Variants in KIAA1958 observed in about 807,000 individuals in gnomAD.
KIAA1958 encodes uncharacterized protein KIAA1958.
A neutral mutation model predicts 47.2 loss-of-function variants in KIAA1958; 14 were observed. That is an observed-to-expected ratio of 0.30 (90% CI 0.20 to 0.46). The LOEUF (loss-of-function observed/expected upper bound fraction) is 0.46, where lower values mean the gene tolerates loss of function less well. Among genes scored for constraint, KIAA1958 ranks in the 20% least tolerant of loss-of-function variants. The pLI, the probability that KIAA1958 is intolerant of heterozygous loss-of-function variation, is 1.00. For synonymous variants in KIAA1958, 354 were observed against 353.3 expected, an observed-to-expected ratio of 1.00 and a Z score of -0.02; for missense variants, 803 against 909.2, an observed-to-expected ratio of 0.88 and a Z score of 1.50.
chr9:112,511,380 A>T (rs1834323014), intron 1 of KIAA1958, among the ~76,000 whole-genome samples: 1 of 152,226 alleles, frequency 6.6e-6, no homozygotes, highest in Non-Finnish European at 1.5e-5. Flanking sequence ...AGTATAATGC[A>T]CTAAGGATCC....
chr9:112,620,732 C>T (rs1403893827), intron 2 of KIAA1958, among the ~76,000 whole-genome samples: 1 of 151,794 alleles, frequency 6.6e-6, no homozygotes, highest in Non-Finnish European at 1.5e-5. Flanking sequence ...AGCATGCATG[C>T]CAGCACTGTG....
At chr9:112,517,321 A>C (rs1254216745) in intron 1 of KIAA1958, among the ~76,000 whole-genome samples, 1 of 152,250 alleles carries the variant, frequency 6.6e-6, no homozygotes, top group Non-Finnish European at 1.5e-5. Flanking sequence ...ATGGTGCTTG[A>C]AGAATTGTAT....
chr9:112,534,386 C>G lies in KIAA1958; in HGVS notation c.-24-39671C>G, dbSNP rs546121494. ...ACGTTTTAGTATCATTCTAGTCAGC[C>G]AAAAAATGATGTCAGGGTATATTAA... On this transcript the variant is annotated intron_variant, in intron 1 of 3. Coordinates refer to ENST00000337530, the MANE Select transcript of KIAA1958 (RefSeq NM_133465.4). 4.6e-5 allele frequency among the ~76,000 whole-genome samples: 7 copies of G among 151,866 alleles called. No homozygotes were observed. The South Asian group carries it at 1.5e-3, about 32-fold the overall frequency.
chr9:112,559,983 T>C (rs1475461107), intron 1 of KIAA1958, among the ~76,000 whole-genome samples: 1 of 152,148 alleles, frequency 6.6e-6, no homozygotes, highest in African/African-American at 2.4e-5. Context: ...CTACTTAGTA[T>C]AAATTATATA....
chr9:112,520,598 G>A (rs1164009460), intron 1 of KIAA1958, among the ~76,000 whole-genome samples: 1 of 152,076 alleles, frequency 6.6e-6, no homozygotes, highest in African/African-American at 2.4e-5. Context: ...AAATGAACAG[G>A]GTGTTGAAAC....
At chr9:112,543,374 T>C (rs529580608) in intron 1 of KIAA1958, among the ~76,000 whole-genome samples, 144 of 152,280 alleles carry the variant, frequency 9.5e-4, no homozygotes, top group African/African-American at 3.4e-3. Context: ...CAACTTCACA[T>C]GTATCTCTGA....
At chr9:112,615,673 C>T (rs1836397730) in intron 2 of KIAA1958, among the ~76,000 whole-genome samples, 1 of 152,224 alleles carries the variant, frequency 6.6e-6, no homozygotes, top group Admixed American at 6.5e-5. Context: ...ATTCAGGCCC[C>T]AAACACTGTT....
In KIAA1958 at chr9:112,569,121, G is replaced by A. The variant is rs149834720; in HGVS notation, c.-24-4936G>A. ...TTTTGTCTTTTCGGACATGGCTCTCGTTGGAGAATATGTTCACATTCCTTC... is the reference window on the plus strand; with the variant it reads ...TTTTGTCTTTTCGGACATGGCTCTCATTGGAGAATATGTTCACATTCCTTC... On this transcript the variant is annotated intron_variant, in intron 1 of 3. Coordinates refer to ENST00000337530, the MANE Select transcript of KIAA1958 (RefSeq NM_133465.4). Among the ~76,000 whole-genome samples the A allele has an allele frequency of 3.3e-5, 5 of 152,120 alleles. No individual in the cohort carries two copies. The East Asian group carries it at 5.8e-4, about 18-fold the overall frequency.
chr9:112,512,590 T>C (rs1340125989), intron 1 of KIAA1958, among the ~76,000 whole-genome samples: 1 of 152,200 alleles, frequency 6.6e-6, no homozygotes, highest in Non-Finnish European at 1.5e-5. Flanking sequence ...CAGATGACTC[T>C]GTCTCATCCA....
At position 112,667,692 on chromosome 9, in the gene KIAA1958, A is replaced by C. The variant is rs1374534207; in HGVS notation, c.*7623A>C. The C allele has an allele frequency of 6.6e-6, 1 of 152,240 alleles. No individual in the cohort carries two copies. The highest frequency in any genetic ancestry group is 2.4e-5 in the African/African-American group (1 of 41,462). 9.4% of individuals were successfully genotyped at this position (152,240 alleles called of 1,614,324 possible). A position where few individuals can be genotyped will look rare whatever the true frequency, so the allele number is the denominator to read the frequency against. On this transcript the variant is annotated 3_prime_UTR_variant, in exon 4 of 4. Transcript: ENST00000337530. ...AAACAATAGAGAATTGTGAGGGGGA[A>C]AAGTTGTGACTTTGGAATTTTATAC...
At chr9:112,588,292 G>A (rs1488751785) in intron 2 of KIAA1958, among the ~76,000 whole-genome samples, 1 of 152,164 alleles carries the variant, frequency 6.6e-6, no homozygotes, top group African/African-American at 2.4e-5. Context: ...TCATCCCGAT[G>A]AGTTTCACAA....
At chr9:112,570,914 A>G (rs532179503) in intron 1 of KIAA1958, among the ~76,000 whole-genome samples, 2 of 152,340 alleles carry the variant, frequency 1.3e-5, no homozygotes, top group African/African-American at 4.8e-5. Flanking sequence ...TGAGGCTGAA[A>G]GGCCGGGACC....
intron 2 of KIAA1958, among the ~76,000 whole-genome samples, chr9:112,612,904 T>C (rs1344129125): frequency 1.3e-5 from 2 of 152,190 alleles, no homozygotes; most frequent in Non-Finnish European, 2.9e-5. Flanking sequence ...AAAAATTCTG[T>C]TATATCCATA....
intron 1 of KIAA1958, among the ~76,000 whole-genome samples, chr9:112,517,702 T>C (rs1226630482): frequency 6.6e-6 from 1 of 152,226 alleles, no homozygotes. Context: ...AAAAGATTTG[T>C]ATCTAGACTT....
In KIAA1958 at chr9:112,487,101, A is replaced by G; in HGVS notation, c.-42A>G. ...GCGCCGACCGCGTTCCTATGGACAG[A>G]CGCACAGACACCTGCAGGTGGGTGA... On this transcript the variant is annotated 5_prime_UTR_variant, in exon 1 of 4. Coordinates refer to ENST00000337530, the MANE Select transcript of KIAA1958 (RefSeq NM_133465.4). 1 of 215,776 alleles carries G rather than the reference A, an allele frequency of 4.6e-6. No individual in the cohort carries two copies. The highest frequency in any genetic ancestry group is 2.4e-5 in the African/African-American group (1 of 41,998). 13.4% of individuals were successfully genotyped at this position (215,776 alleles called of 1,614,324 possible).
chr9:112,574,065 C>T lies in KIAA1958; in HGVS notation c.-16C>T, dbSNP rs770493576. On this transcript the variant is annotated 5_prime_UTR_variant, in exon 2 of 4. Coordinates refer to ENST00000337530, the MANE Select transcript of KIAA1958 (RefSeq NM_133465.4). Reference sequence around the variant, plus strand: ...TGATTATTTCCCTTTAGGAGTGACACTGCTGATCCTGTAACATGGAGGATT... The same window carrying T: ...TGATTATTTCCCTTTAGGAGTGACATTGCTGATCCTGTAACATGGAGGATT... 6.6e-7 allele frequency: 1 copy of T among 1,524,862 alleles called. No homozygotes were observed. The highest frequency in any genetic ancestry group is 1.9e-5 in the Admixed American group (1 of 53,058). 94.5% of individuals were successfully genotyped at this position (1,524,862 alleles called of 1,614,324 possible).
chr9:112,559,282 A>G (rs1407746197), intron 1 of KIAA1958, among the ~76,000 whole-genome samples: 1 of 152,218 alleles, frequency 6.6e-6, no homozygotes, highest in Non-Finnish European at 1.5e-5. Flanking sequence ...GGGGTGAAGG[A>G]GAGCCTCATC....
At chr9:112,649,634 T>C (rs1437641355) in intron 3 of KIAA1958, among the ~76,000 whole-genome samples, 4 of 152,056 alleles carry the variant, frequency 2.6e-5, no homozygotes, top group Non-Finnish European at 4.4e-5. Context: ...ACATATTATA[T>C]ACAGAGGAAC....
At chr9:112,524,719 C>T (rs1215035135) in intron 1 of KIAA1958, among the ~76,000 whole-genome samples, 8 of 152,100 alleles carry the variant, frequency 5.3e-5, no homozygotes, top group African/African-American at 9.7e-5. Context: ...AATGTGGCTT[C>T]GTAAGGAACT....
Sources: allele counts gnomAD v4.1 joint callset (sites outside exome capture counted in the v4.1 genomes callset), GRCh38; gene constraint gnomAD v4.1.1; transcripts MANE v1.5; gene names NCBI Gene and HGNC (gene_info 2026-07-23, HGNC 2026-07-21).